The following CCDC102B variants were observed in gnomAD, a reference collection of about 807,000 sequenced individuals.
The protein encoded by CCDC102B is coiled-coil domain-containing protein 102B.
In CCDC102B, 75 loss-of-function variants were observed where a neutral mutation model predicts 57.4. That is an observed-to-expected ratio of 1.31 (90% CI 1.08 to 1.58). The LOEUF is 1.58. CCDC102B is among the 40% of genes most tolerant of loss of function. The pLI, the probability that CCDC102B is intolerant of heterozygous loss-of-function variation, is 0.00. For missense variants in CCDC102B, 636 were observed against 582.6 expected (o/e 1.09, Z -0.94); for synonymous variants, 206 against 201.9 (o/e 1.02, Z -0.17).
At chr18:68,853,182 A>G (rs1001299256) in intron 4 of CCDC102B, among the ~76,000 whole-genome samples, 26 of 152,186 alleles carry the variant, frequency 1.7e-4, no homozygotes, top group African/African-American at 6.0e-4. Flanking sequence ...TTTCTTATGT[A>G]TTTGTAGTCA....
At chr18:68,977,389 A>G (rs2050466210) in intron 6 of CCDC102B, among the ~76,000 whole-genome samples, 1 of 151,906 alleles carries the variant, frequency 6.6e-6, no homozygotes, top group Non-Finnish European at 1.5e-5. Context: ...TACATTAAGT[A>G]TTTCTCCTAA....
intron 6 of CCDC102B, among the ~76,000 whole-genome samples, chr18:68,955,240 G>T (rs1194107223): frequency 1.3e-5 from 2 of 152,094 alleles, no homozygotes; most frequent in African/African-American, 4.8e-5. Context: ...TTATGGTAAT[G>T]GAGAAATAAT....
chr18:68,748,738 G>A (rs1410893407), intron 2 of CCDC102B, among the ~76,000 whole-genome samples: 1 of 152,092 alleles, frequency 6.6e-6, no homozygotes, highest in Non-Finnish European at 1.5e-5. Flanking sequence ...AGCAGATTCT[G>A]TTTTCTGCAA....
At chr18:68,885,338 G>T (rs566648108) in intron 5 of CCDC102B, among the ~76,000 whole-genome samples, 82 of 152,112 alleles carry the variant, frequency 5.4e-4, no homozygotes, top group African/African-American at 1.8e-3. Flanking sequence ...AAAAGCGAGA[G>T]AATTAGAAAA....
At chr18:68,769,060 C>T (rs1180668500) in intron 2 of CCDC102B, among the ~76,000 whole-genome samples, 1 of 151,938 alleles carries the variant, frequency 6.6e-6, no homozygotes, top group Non-Finnish European at 1.5e-5. Context: ...TCAAGACCAG[C>T]CTGACCAACA....
At chr18:68,770,753 G>A (rs2034613726) in intron 2 of CCDC102B, among the ~76,000 whole-genome samples, 1 of 152,216 alleles carries the variant, frequency 6.6e-6, no homozygotes, top group South Asian at 2.1e-4. Flanking sequence ...GGAAGCCTGT[G>A]TAATTTTGTA....
chr18:68,871,335 G>A (rs1015865455), intron 4 of CCDC102B, among the ~76,000 whole-genome samples: 1 of 152,106 alleles, frequency 6.6e-6, no homozygotes, highest in Non-Finnish European at 1.5e-5. Flanking sequence ...TATATCAGCT[G>A]TGGATGACAT....
chr18:69,036,490 A>C (rs73453757), intron 7 of CCDC102B, among the ~76,000 whole-genome samples: 2,687 of 152,266 alleles, frequency 0.018, 85 homozygotes, highest in African/African-American at 0.061. Context: ...TTCATCTGGC[A>C]TACCTAAACT....
chr18:68,724,809 C>T (rs1268386923), intron 2 of CCDC102B, among the ~76,000 whole-genome samples: 1 of 152,178 alleles, frequency 6.6e-6, no homozygotes, highest in Admixed American at 6.5e-5. Flanking sequence ...ATTGTTCCAA[C>T]CTCTGCCTGT....
chr18:68,925,959 T>C (rs2041462290), intron 6 of CCDC102B, among the ~76,000 whole-genome samples: 2 of 151,980 alleles, frequency 1.3e-5, no homozygotes. Flanking sequence ...TTGTTTTTTA[T>C]AAACAAATCA....
intron 6 of CCDC102B, among the ~76,000 whole-genome samples, chr18:69,004,673 C>T (rs1313088268): frequency 2.6e-5 from 4 of 152,052 alleles, no homozygotes; most frequent in Admixed American, 2.0e-4. Context: ...TAATAATTGT[C>T]ACAATTGACA....
intron 4 of CCDC102B, among the ~76,000 whole-genome samples, chr18:68,858,703 T>C (rs1322079597): frequency 2.0e-5 from 3 of 152,160 alleles, no homozygotes; most frequent in African/African-American, 4.8e-5. Context: ...CCATCTATCT[T>C]TGCTAACTGG....
intron 2 of CCDC102B, among the ~76,000 whole-genome samples, chr18:68,765,045 T>TAAATAAATAAATAAA (rs2034378404): frequency 3.1e-5 from 4 of 127,148 alleles, no homozygotes; most frequent in South Asian, 2.7e-4. Context: ...AAACCCTCTC[T>TAAATAAATAAATAAA]TAAATAAATA....
At chr18:68,857,763 A>C (rs2038546107) in intron 4 of CCDC102B, among the ~76,000 whole-genome samples, 1 of 152,076 alleles carries the variant, frequency 6.6e-6, no homozygotes, top group African/African-American at 2.4e-5. Context: ...AGTGACGTTG[A>C]ATGGCTTCAG....
chr18:68,987,161 C>T (rs1298926086), intron 6 of CCDC102B, among the ~76,000 whole-genome samples: 1 of 152,192 alleles, frequency 6.6e-6, no homozygotes, highest in Non-Finnish European at 1.5e-5. Flanking sequence ...CACTACTAGA[C>T]TTCAAACTAT....
chr18:68,758,618 T>C (rs1459417942), intron 2 of CCDC102B, among the ~76,000 whole-genome samples: 1 of 151,776 alleles, frequency 6.6e-6, no homozygotes, highest in Non-Finnish European at 1.5e-5. Flanking sequence ...TGCTGGAGCT[T>C]AGGATGCTAA....
At chr18:68,790,235 C>G (rs2035389167) in intron 2 of CCDC102B, among the ~76,000 whole-genome samples, 1 of 151,730 alleles carries the variant, frequency 6.6e-6, no homozygotes, top group Admixed American at 6.6e-5. Context: ...GTCTTCAAAG[C>G]TGTCAGACTG....
intron 7 of CCDC102B, among the ~76,000 whole-genome samples, chr18:69,051,451 G>A (rs1295553580): frequency 1.3e-5 from 2 of 151,864 alleles, no homozygotes; most frequent in Non-Finnish European, 2.9e-5. Flanking sequence ...CTGAAATAAT[G>A]TCAAATATAC....
chr18:68,975,999 A>G (rs1395225894), intron 6 of CCDC102B, among the ~76,000 whole-genome samples: 1 of 152,178 alleles, frequency 6.6e-6, no homozygotes, highest in East Asian at 1.9e-4. Flanking sequence ...ATAGAAATAC[A>G]GATGCCTTTC....
Sources: gnomAD v4.1 joint callset for allele counts (sites outside exome capture counted in the v4.1 genomes callset) on GRCh38, gnomAD v4.1.1 for gene constraint, MANE v1.5 for transcripts, NCBI Gene and HGNC (gene_info 2026-07-23, HGNC 2026-07-21) for gene names.